Variants in ACSF2 observed in about 807,000 individuals in gnomAD.
ACSF2 encodes acyl-CoA synthetase family member 2.
ACSF2 carries 52 observed loss-of-function variants against 79.3 expected under a neutral mutation model. The observed-to-expected ratio is 0.66, with a 90% CI of 0.53 to 0.83. The LOEUF (loss-of-function observed/expected upper bound fraction) is 0.83. ACSF2 is among the 40% of genes least tolerant of loss of function. The pLI is 0.00. For synonymous variants in ACSF2, 283 were observed against 312.6 expected, an observed-to-expected ratio of 0.91 and a Z score of 1.00; for missense variants, 661 against 803.3, an observed-to-expected ratio of 0.82 and a Z score of 2.14.
Position 50,472,437 on chromosome 17 carries a change from A to G in ACSF2, c.1333A>G (p.Met445Val). The change falls in exon 12 of 16, where the codon ATG becomes GTG. Residue 445 changes from methionine (M) to valine (V), a missense_variant. By Grantham distance (21) the Met-to-Val change is conservative. Transcript: ENST00000300441. ...RIMPHTEARI[M>V]NMEAGTLAKL... is the part of the protein sequence containing the mutation. The stretch of plus-strand genomic sequence containing the variant: ...GGCCATCCTGTCCCAGGCCCGGATC[A>G]TGAACATGGAGGCAGGGACGCTGGC... 1.2e-6 allele frequency: 2 copies of G among 1,612,446 alleles called. No homozygotes were observed. Among genetic ancestry groups the G allele is most frequent in the South Asian group, 2.2e-5 (2 of 90,796 alleles).
intron 1 of ACSF2, among the ~76,000 whole-genome samples, chr17:50,429,833 C>T (rs556643157): frequency 6.6e-6 from 1 of 152,062 alleles, no homozygotes; most frequent in African/African-American, 2.4e-5. Context: ...TCTTTCTCCC[C>T]AGAAGGAAAG....
At chr17:50,462,097 A>G in intron 4 of ACSF2, 87 bp from the exon 5 acceptor site, 1 of 1,132,682 alleles carries the variant, frequency 8.8e-7, no homozygotes, top group South Asian at 1.3e-5. Flanking sequence ...GTGCATCTGT[A>G]TGAGAGCAGC....
chr17:50,465,936 T>G, intron 10 of ACSF2: 4 of 1,582,474 alleles, frequency 2.5e-6, no homozygotes, highest in Non-Finnish European at 3.5e-6. Context: ...AGCACCCGAG[T>G]GCCAGAGGGG....
Position 50,463,430 on chromosome 17 carries a change from C to A in ACSF2, c.924C>A (p.Pro308=). Residue 308 remains proline, a synonymous_variant, in exon 8 of 16, where the codon CCC becomes CCA. Transcript: ENST00000300441. This position sits in a 1 kb window ranked among gnomAD's most constrained non-coding sequence, Gnocchi z 4.6. ...PEQLRMILPN[P]LYHCLGSVAG... is the part of the protein sequence containing the mutation. Reference sequence around the variant, plus strand: ...AGTTGCGGATGATCCTGCCCAACCCCCTGTACCATTGCCTGGGTTCCGTGG... The same window carrying A: ...AGTTGCGGATGATCCTGCCCAACCCACTGTACCATTGCCTGGGTTCCGTGG... The A allele has an allele frequency of 1.2e-6, 2 of 1,614,130 alleles. No homozygotes were observed. The highest frequency in any genetic ancestry group is 1.7e-6 in the Non-Finnish European group (2 of 1,180,032).
chr17:50,438,292 T>A (rs555499386), intron 1 of ACSF2, among the ~76,000 whole-genome samples: 1 of 152,352 alleles, frequency 6.6e-6, no homozygotes, highest in Admixed American at 6.5e-5. Flanking sequence ...AAGCTCAAGA[T>A]CTAAGATATT....
intron 1 of ACSF2, among the ~76,000 whole-genome samples, chr17:50,441,487 T>A (rs1454758660): frequency 3.3e-5 from 5 of 152,206 alleles, no homozygotes; most frequent in African/African-American, 1.2e-4. Context: ...GCGGTCCTTT[T>A]TAAGTCACAG....
At chr17:50,446,354 T>C (rs1239045080) in intron 1 of ACSF2, among the ~76,000 whole-genome samples, 1 of 152,088 alleles carries the variant, frequency 6.6e-6, no homozygotes, top group Non-Finnish European at 1.5e-5. Context: ...GCCTCCCAGA[T>C]TCAAGCGATT....
chr17:50,446,695 C>T (rs1457369810), intron 1 of ACSF2, among the ~76,000 whole-genome samples: 1 of 152,190 alleles, frequency 6.6e-6, no homozygotes, highest in East Asian at 1.9e-4. Flanking sequence ...TGACCATTCT[C>T]CTGACTTCTA....
At position 50,457,527 on chromosome 17, in the gene ACSF2, T is replaced by C. The variant is rs554778440; in HGVS notation, c.129-3150T>C. ...ATAGACATATGGAATTGAATGAAAT[T>C]ACAAGGGGGAGAAGCAGGAGGAGCT... On this transcript the variant is annotated intron_variant, in intron 1 of 15. Coordinates refer to ENST00000300441, the MANE Select transcript of ACSF2 (RefSeq NM_025149.6). Among the ~76,000 whole-genome samples, 140 of 152,270 alleles carry C rather than the reference T, an allele frequency of 9.2e-4. 2 individuals carry two copies. Among genetic ancestry groups the C allele is most frequent in the Admixed American group, 9.1e-3 (139 of 15,298 alleles).
At chr17:50,439,005 T>C (rs937525934) in intron 1 of ACSF2, among the ~76,000 whole-genome samples, 15 of 152,144 alleles carry the variant, frequency 9.9e-5, no homozygotes, top group Admixed American at 9.2e-4. Flanking sequence ...TAGAATCATG[T>C]TATGTGAGTA....
intron 1 of ACSF2, among the ~76,000 whole-genome samples, chr17:50,449,706 T>G (rs2031549341): frequency 6.6e-6 from 1 of 152,038 alleles, no homozygotes; most frequent in African/African-American, 2.4e-5. Context: ...GAGCCACCAC[T>G]CCTGGCTACT....
intron 10 of ACSF2, chr17:50,465,487 TG>T: frequency 6.2e-7 from 1 of 1,605,740 alleles, no homozygotes. Context: ...GTGGGAGTGC[TG>T]GGGGGAAGGG....
chr17:50,449,428 T>C (rs1156957027), intron 1 of ACSF2, among the ~76,000 whole-genome samples: 1 of 143,264 alleles, frequency 7.0e-6, no homozygotes, highest in East Asian at 2.1e-4. Flanking sequence ...TCTTTGAGAC[T>C]GAGTCTCGCT....
chr17:50,448,375 A>G (rs78726005), intron 1 of ACSF2, among the ~76,000 whole-genome samples: 131 of 152,356 alleles, frequency 8.6e-4, no homozygotes, highest in African/African-American at 3.1e-3. Flanking sequence ...ACTGTATTTT[A>G]GAGTCCAGTA....
chr17:50,446,125 T>C (rs1234338629), intron 1 of ACSF2, among the ~76,000 whole-genome samples: 1 of 152,232 alleles, frequency 6.6e-6, no homozygotes, highest in Non-Finnish European at 1.5e-5. Flanking sequence ...TATTAATGTA[T>C]ATATTTTGCA....
chr17:50,459,121 G>T (rs1243232107), intron 1 of ACSF2, among the ~76,000 whole-genome samples: 1 of 152,258 alleles, frequency 6.6e-6, no homozygotes. Context: ...CATTCGCAAA[G>T]CACCTTTGCA....
At chr17:50,448,124 A>G (rs977411838) in intron 1 of ACSF2, among the ~76,000 whole-genome samples, 3 of 148,450 alleles carry the variant, frequency 2.0e-5, no homozygotes, top group South Asian at 4.2e-4. Flanking sequence ...CACTTACACA[A>G]ATCTAGATGG....
intron 1 of ACSF2, among the ~76,000 whole-genome samples, chr17:50,441,022 A>G (rs970346779): frequency 6.6e-6 from 1 of 152,254 alleles, no homozygotes; most frequent in African/African-American, 2.4e-5. Context: ...GGAGGCACTC[A>G]GACGGCTCCC....
Position 50,447,543 on chromosome 17 carries a change from AAAT to A in ACSF2, c.129-13112_129-13110del, listed in dbSNP as rs57403403. 9.3e-5 allele frequency among the ~76,000 whole-genome samples: 14 copies of A among 150,498 alleles called. No homozygotes were observed. In the East Asian group the frequency reaches 2.1e-3, roughly 23 times the overall value. On this transcript the variant is annotated intron_variant, in intron 1 of 15. Coordinates refer to ENST00000300441, the MANE Select transcript of ACSF2 (RefSeq NM_025149.6). The stretch of plus-strand genomic sequence containing the variant: ...GGCCACAGAGTGAGACTCTGTCTCA[AAAT>A]AATAATAATAATAATAATAATGAGA...
Sources: gnomAD v4.1 joint callset for allele counts (sites outside exome capture counted in the v4.1 genomes callset) on GRCh38, gnomAD v4.1.1 for gene constraint, Gnocchi (gnomAD v3.1) non-coding constraint, MANE v1.5 for transcripts, NCBI Gene and HGNC (gene_info 2026-07-23, HGNC 2026-07-21) for gene names.